Variants in TRAPPC9 observed in about 807,000 individuals in gnomAD.
TRAPPC9 encodes IKK2 binding protein.
In TRAPPC9, 83 loss-of-function variants were observed where a neutral mutation model predicts 124.0. The ratio of observed to expected loss-of-function variants is 0.67; its 90% CI spans 0.56 to 0.80. The LOEUF (loss-of-function observed/expected upper bound fraction) is 0.80, where lower values mean the gene tolerates loss of function less well. TRAPPC9 is among the 30% of genes least tolerant of loss of function. The pLI, the probability that TRAPPC9 is intolerant of heterozygous loss-of-function variation, is 0.00. For missense variants in TRAPPC9, 1,302 were observed against 1,508.3 expected (o/e 0.86, Z 2.27); for synonymous variants, 638 against 617.5 (o/e 1.03, Z -0.49).
intron 19 of TRAPPC9, among the ~76,000 whole-genome samples, chr8:139,913,166 A>G (rs1831864205): frequency 6.6e-6 from 1 of 152,250 alleles, no homozygotes; most frequent in African/African-American, 2.4e-5. Context: ...CTGGTTGAGT[A>G]ATCATCACAC....
intron 17 of TRAPPC9, among the ~76,000 whole-genome samples, chr8:140,049,106 C>T (rs2132073495): frequency 6.6e-6 from 1 of 152,268 alleles, no homozygotes; most frequent in Middle Eastern, 3.4e-3. Context: ...CTGGCCCCAT[C>T]CCTTTCATCT....
At chr8:139,861,785 C>T (rs1434315893) in intron 21 of TRAPPC9, among the ~76,000 whole-genome samples, 1 of 152,050 alleles carries the variant, frequency 6.6e-6, no homozygotes, top group Non-Finnish European at 1.5e-5. Flanking sequence ...CATGGGAAAA[C>T]GTGAAGACGC....
intron 21 of TRAPPC9, among the ~76,000 whole-genome samples, chr8:139,760,962 G>A (rs913614306): frequency 6.6e-6 from 1 of 152,186 alleles, no homozygotes; most frequent in African/African-American, 2.4e-5. Flanking sequence ...TGGGTAGCTT[G>A]GGTCTTTCTG....
At chr8:140,048,633 C>G (rs1418471260) in intron 17 of TRAPPC9, among the ~76,000 whole-genome samples, 1 of 152,120 alleles carries the variant, frequency 6.6e-6, no homozygotes, top group African/African-American at 2.4e-5. Flanking sequence ...AACTGAAGCC[C>G]CAAACACAAA....
chr8:140,128,860 T>G (rs957117524), intron 17 of TRAPPC9, among the ~76,000 whole-genome samples: 3 of 152,150 alleles, frequency 2.0e-5, no homozygotes, highest in African/African-American at 7.2e-5. Context: ...AGCTGCTTCC[T>G]TTCGAAAGCA....
intron 17 of TRAPPC9, among the ~76,000 whole-genome samples, chr8:140,188,737 G>A (rs1044306664): frequency 4.6e-5 from 7 of 152,014 alleles, no homozygotes; most frequent in East Asian, 1.9e-4. Flanking sequence ...CTTCAACACC[G>A]ATGTTCCCCA....
At chr8:139,931,249 C>T (rs557914490) in intron 19 of TRAPPC9, 4 of 152,174 alleles carry the variant, frequency 2.6e-5, no homozygotes, top group Non-Finnish European at 4.4e-5. Context: ...GCAGTAGAGC[C>T]GAGCATACAC....
chr8:140,036,952 C>T (rs996115623), intron 17 of TRAPPC9, among the ~76,000 whole-genome samples: 1 of 152,046 alleles, frequency 6.6e-6, no homozygotes, highest in Non-Finnish European at 1.5e-5. Context: ...ACCCATTAAC[C>T]TGTCACCTAC....
At chr8:139,995,026 T>C (rs1178136586) in intron 18 of TRAPPC9, among the ~76,000 whole-genome samples, 3 of 150,784 alleles carry the variant, frequency 2.0e-5, no homozygotes, top group African/African-American at 7.3e-5. Flanking sequence ...AAAGATGGAG[T>C]AAGCACAATC....
At chr8:140,301,448 C>T (rs1240187330) in intron 10 of TRAPPC9, among the ~76,000 whole-genome samples, 2 of 152,216 alleles carry the variant, frequency 1.3e-5, no homozygotes, top group East Asian at 3.8e-4. Context: ...AGGAAACTCA[C>T]GCAAGAGGGA....
intron 19 of TRAPPC9, among the ~76,000 whole-genome samples, chr8:139,987,909 G>A (rs533993819): frequency 7.2e-5 from 11 of 152,254 alleles, no homozygotes; most frequent in South Asian, 2.1e-4. Flanking sequence ...CACCTCTGCC[G>A]GGCCAGGGGT....
At chr8:140,062,729 G>A (rs983720311) in intron 17 of TRAPPC9, among the ~76,000 whole-genome samples, 1 of 152,044 alleles carries the variant, frequency 6.6e-6, no homozygotes, top group Non-Finnish European at 1.5e-5. Flanking sequence ...CTTATTCACT[G>A]CGTCATTACC....
intron 20 of TRAPPC9, among the ~76,000 whole-genome samples, chr8:139,895,971 A>G (rs1038354010): frequency 5.9e-5 from 9 of 152,240 alleles, no homozygotes; most frequent in Non-Finnish European, 1.0e-4. Flanking sequence ...TCTGGGGAGC[A>G]AGTCCGCCTG....
At chr8:139,848,553 C>A (rs796207726) in intron 21 of TRAPPC9, among the ~76,000 whole-genome samples, 7 of 151,706 alleles carry the variant, frequency 4.6e-5, no homozygotes, top group African/African-American at 1.5e-4. Context: ...ATATATATAT[C>A]CAAAATCTAT....
At chr8:140,367,379 A>T (rs1588226989) in intron 8 of TRAPPC9, among the ~76,000 whole-genome samples, 1 of 152,252 alleles carries the variant, frequency 6.6e-6, no homozygotes. Context: ...TGATAGTAGA[A>T]TATTATTCAG....
At chr8:139,827,460 C>T (rs922996288) in intron 21 of TRAPPC9, among the ~76,000 whole-genome samples, 2 of 152,304 alleles carry the variant, frequency 1.3e-5, no homozygotes, top group East Asian at 1.9e-4. Context: ...ATGGGGACTC[C>T]GGGAGCAGGG....
At chr8:139,929,405 T>C (rs1421473764) in intron 19 of TRAPPC9, among the ~76,000 whole-genome samples, 2 of 151,966 alleles carry the variant, frequency 1.3e-5, no homozygotes, top group Non-Finnish European at 2.9e-5. Context: ...GCAATGCCGT[T>C]CTCAAACACA....
chr8:140,161,510 T>C (rs975347919), intron 17 of TRAPPC9, among the ~76,000 whole-genome samples: 1 of 152,140 alleles, frequency 6.6e-6, no homozygotes, highest in Non-Finnish European at 1.5e-5. Flanking sequence ...TTATGTTTCA[T>C]ATATACCTTA....
intron 9 of TRAPPC9, among the ~76,000 whole-genome samples, chr8:140,313,139 C>G (rs142147902): frequency 9.8e-5 from 15 of 152,300 alleles, no homozygotes; most frequent in Admixed American, 5.2e-4. Context: ...CAATGTTAAT[C>G]TGAAACATGA....
Sources: gnomAD v4.1 joint callset for allele counts (sites outside exome capture counted in the v4.1 genomes callset) on GRCh38, gnomAD v4.1.1 for gene constraint, MANE v1.5 for transcripts, NCBI Gene and HGNC (gene_info 2026-07-23, HGNC 2026-07-21) for gene names.